SPON1: variants seen among roughly 807,000 people sequenced by gnomAD.
SPON1 encodes spondin-1.
A neutral mutation model predicts 111.7 loss-of-function variants in SPON1; 52 were observed. That is an observed-to-expected ratio of 0.47 (90% CI 0.37 to 0.59). The LOEUF (loss-of-function observed/expected upper bound fraction) is 0.59. Ranked by LOEUF, SPON1 falls within the 20% of genes least tolerant of loss-of-function variation. SPON1 has a pLI of 0.00. For synonymous variants in SPON1, 410 were observed against 395.8 expected (o/e 1.04, Z -0.43); for missense variants, 957 against 1,068.5 (o/e 0.90, Z 1.46).
At chr11:14,218,362 A>G (rs1848646797) in intron 6 of SPON1, among the ~76,000 whole-genome samples, 1 of 152,174 alleles carries the variant, frequency 6.6e-6, no homozygotes, top group South Asian at 2.1e-4. Context: ...GAAAGAATGA[A>G]TAGCTCCTCC....
chr11:13,994,666 C>G (rs1056868521), intron 2 of SPON1, among the ~76,000 whole-genome samples: 1 of 152,162 alleles, frequency 6.6e-6, no homozygotes, highest in Non-Finnish European at 1.5e-5. Flanking sequence ...ACCAATTGCA[C>G]GAGTACAAGA....
chr11:14,049,193 C>G (rs1554918184), intron 3 of SPON1, among the ~76,000 whole-genome samples: 2 of 152,194 alleles, frequency 1.3e-5, no homozygotes, highest in African/African-American at 2.4e-5. Flanking sequence ...ACTCTGCCAT[C>G]TCAGTCTGAT....
chr11:14,026,852 T>C (rs1277471664), intron 2 of SPON1, among the ~76,000 whole-genome samples: 5 of 152,186 alleles, frequency 3.3e-5, no homozygotes, highest in Non-Finnish European at 4.4e-5. Flanking sequence ...ACTTGTCTCC[T>C]CCTCTCTCCC....
At chr11:14,026,845 T>G (rs1554915377) in intron 2 of SPON1, among the ~76,000 whole-genome samples, 2 of 152,222 alleles carry the variant, frequency 1.3e-5, no homozygotes, top group Non-Finnish European at 2.9e-5. Context: ...TACCCCAACT[T>G]GTCTCCTCCT....
chr11:14,150,770 C>T (rs1289982618), intron 6 of SPON1, among the ~76,000 whole-genome samples: 1 of 152,274 alleles, frequency 6.6e-6, no homozygotes, highest in African/African-American at 2.4e-5. Flanking sequence ...CACTACAGTG[C>T]AACTAAGGCT....
chr11:14,112,244 G>C (rs1367078501), intron 5 of SPON1, among the ~76,000 whole-genome samples: 1 of 152,200 alleles, frequency 6.6e-6, no homozygotes, highest in African/African-American at 2.4e-5. Flanking sequence ...CTCCTGATAA[G>C]TGAGCCTGCT....
chr11:14,071,364 C>T (rs934054395), intron 3 of SPON1, among the ~76,000 whole-genome samples: 16 of 152,244 alleles, frequency 1.1e-4, no homozygotes, highest in Admixed American at 4.6e-4. Flanking sequence ...GTTTGACTCT[C>T]ACTCTCAACT....
intron 2 of SPON1, among the ~76,000 whole-genome samples, chr11:14,038,706 A>G (rs1848612062): frequency 6.6e-6 from 1 of 152,246 alleles, no homozygotes; most frequent in Admixed American, 6.5e-5. Flanking sequence ...ACAACATCAA[A>G]TCCTGTGGAG....
chr11:14,050,986 C>T (rs1479909058), intron 3 of SPON1, among the ~76,000 whole-genome samples: 7 of 152,202 alleles, frequency 4.6e-5, no homozygotes, highest in Non-Finnish European at 1.0e-4. Flanking sequence ...TGCATCATCC[C>T]ATTGCAGTGG....
At chr11:14,148,289 A>T (rs1290928880) in intron 6 of SPON1, among the ~76,000 whole-genome samples, 1 of 152,206 alleles carries the variant, frequency 6.6e-6, no homozygotes, top group African/African-American at 2.4e-5. Flanking sequence ...CTTTCTAAAG[A>T]TGTGTACTTA....
At chr11:14,080,429 A>G (rs533943930) in intron 5 of SPON1, among the ~76,000 whole-genome samples, 4 of 152,124 alleles carry the variant, frequency 2.6e-5, no homozygotes, top group Admixed American at 1.3e-4. Context: ...GGGTTTTGCC[A>G]TGTTGCCTGG....
At chr11:13,982,332 G>A (rs1848150978) in intron 1 of SPON1, among the ~76,000 whole-genome samples, 1 of 152,136 alleles carries the variant, frequency 6.6e-6, no homozygotes, top group Non-Finnish European at 1.5e-5. Flanking sequence ...ACTTCCACTG[G>A]CAGAACTTGG....
At chr11:14,187,397 G>T (rs1554934165) in intron 6 of SPON1, among the ~76,000 whole-genome samples, 2 of 152,058 alleles carry the variant, frequency 1.3e-5, no homozygotes, top group African/African-American at 2.4e-5. Context: ...CCACCACTAG[G>T]CAGATGACAA....
In SPON1 at chr11:13,962,836, G is replaced by A. The variant is rs1477282587; in HGVS notation, c.-69G>A. 1 of 1,354,786 alleles carries A rather than the reference G, an allele frequency of 7.4e-7. No homozygotes were observed. Among genetic ancestry groups the A allele is most frequent in the African/African-American group, 1.5e-5 (1 of 64,904 alleles). The allele number at this position is 1,354,786 out of a possible 1,614,324, so 83.9% of individuals were successfully genotyped here. On this transcript the variant is annotated 5_prime_UTR_variant, in exon 1 of 16. Transcript: ENST00000576479. Reference sequence around the variant, plus strand: ...GCCTCCGCCAGGTCGCGCCTTCGTCGGGACCACTTCGGGCAGGAGTCGCGT... The same window carrying A: ...GCCTCCGCCAGGTCGCGCCTTCGTCAGGACCACTTCGGGCAGGAGTCGCGT...
intron 6 of SPON1, among the ~76,000 whole-genome samples, chr11:14,207,875 A>G (rs1320376973): frequency 2.0e-5 from 3 of 152,228 alleles, no homozygotes; most frequent in African/African-American, 7.2e-5. Flanking sequence ...AAGAATATAA[A>G]TCATTCTATT....
At chr11:14,096,996 G>C (rs1452443385) in intron 5 of SPON1, among the ~76,000 whole-genome samples, 1 of 152,096 alleles carries the variant, frequency 6.6e-6, no homozygotes, top group Non-Finnish European at 1.5e-5. Context: ...CTGTACTGAG[G>C]CTGCCCTTTC....
chr11:14,163,544 C>A (rs998000920), intron 6 of SPON1, among the ~76,000 whole-genome samples: 2 of 151,922 alleles, frequency 1.3e-5, no homozygotes, highest in African/African-American at 4.8e-5. Flanking sequence ...CCCAGATTCT[C>A]CCCCCATACC....
intron 1 of SPON1, among the ~76,000 whole-genome samples, chr11:13,979,742 A>G (rs1848130027): frequency 1.3e-5 from 2 of 152,210 alleles, no homozygotes; most frequent in African/African-American, 2.4e-5. Flanking sequence ...CGGGAAGCAG[A>G]AATATATTAG....
chr11:13,990,954 T>C (rs1008256991), intron 2 of SPON1, among the ~76,000 whole-genome samples: 10 of 152,256 alleles, frequency 6.6e-5, no homozygotes, highest in Admixed American at 6.5e-4. Context: ...ATTAGTCTGA[T>C]GGGCTTCCCT....
Sources: allele counts gnomAD v4.1 joint callset (sites outside exome capture counted in the v4.1 genomes callset), GRCh38; gene constraint gnomAD v4.1.1; transcripts MANE v1.5; gene names NCBI Gene and HGNC (gene_info 2026-07-23, HGNC 2026-07-21).